The following CYP11B2 variants were observed in gnomAD, a reference collection of about 807,000 sequenced individuals.
CYP11B2 encodes the protein cytochrome P450 11B2, mitochondrial.
Under a neutral mutation model 49.3 loss-of-function variants are expected in CYP11B2, and 38 were observed. The ratio of observed to expected loss-of-function variants is 0.77; its 90% confidence interval spans 0.59 to 1.01. The LOEUF (loss-of-function observed/expected upper bound fraction) is 1.01. Ranked by LOEUF, CYP11B2 falls within the 50% of genes least tolerant of loss-of-function variation. The pLI, the probability that CYP11B2 is intolerant of heterozygous loss-of-function variation, is 0.00. For missense variants in CYP11B2, 669 were observed against 655.5 expected (o/e 1.02, Z -0.23); for synonymous variants, 290 against 269.3 (o/e 1.08, Z -0.75).
intron 2 of CYP11B2, among the ~76,000 whole-genome samples, chr8:142,916,061 A>G (rs1482221720): frequency 6.7e-6 from 1 of 149,272 alleles, no homozygotes. Context: ...ACACTTGTGC[A>G]CACACACCAC....
At chr8:142,915,965 A>G (rs1817637507) in intron 2 of CYP11B2, among the ~76,000 whole-genome samples, 1 of 152,144 alleles carries the variant, frequency 6.6e-6, no homozygotes, top group African/African-American at 2.4e-5. Flanking sequence ...CCCATGCAAG[A>G]CCTCAACACC....
At position 142,913,439 on chromosome 8, in the gene CYP11B2, A is replaced by C; in HGVS notation, c.967T>G (p.Leu323Val). The C allele has an allele frequency of 6.2e-7, 1 of 1,614,028 alleles. No individual in the cohort carries two copies. Among genetic ancestry groups the C allele is most frequent in the Non-Finnish European group, 8.5e-7 (1 of 1,180,006 alleles). ...GCCAGCTCAAAGAGCGTCATCAGCA[A>C]GGGAAACGCTGTCTACAGAAGCCAT... ...AGSVDTTAFP[L>V]LMTLFELARN... Residue 323 changes from leucine to valine, a missense_variant, in exon 6 of 9, where the codon TTG becomes GTG. Transcript: ENST00000323110.
In CYP11B2 at chr8:142,917,827, G is replaced by C; in HGVS notation, c.14C>G (p.Ala5Gly). 6.2e-7 allele frequency: 1 copy of C among 1,613,990 alleles called. No individual in the cohort carries two copies. Among genetic ancestry groups the C allele is most frequent in the Non-Finnish European group, 8.5e-7 (1 of 1,180,046 alleles). Reference protein sequence around the residue: MALRAKAEVCVAAPW... With the variant: MALRGKAEVCVAAPW... ...CGCTGCCACGCACACCTCTGCCTTTGCCCTGAGTGCCATTCCAATGCTCCC... is the reference window on the plus strand; with the variant it reads ...CGCTGCCACGCACACCTCTGCCTTTCCCCTGAGTGCCATTCCAATGCTCCC... Residue 5 changes from alanine (A) to glycine (G), a missense_variant, in exon 1 of 9, where the codon GCA (alanine) becomes GGA (glycine). Transcript: ENST00000323110.
chr8:142,913,376 T>C lies in CYP11B2; in HGVS notation c.1030A>G (p.Ser344Gly), dbSNP rs770281644. 3.8e-5 allele frequency: 61 copies of C among 1,613,516 alleles called. No homozygotes were observed. The highest frequency in any genetic ancestry group is 4.7e-5 in the Non-Finnish European group (55 of 1,179,932). The stretch of plus-strand genomic sequence containing the variant: ...CTGATGCTGGCTGCGGCGGCCAGGC[T>C]CTCCTGGCGCAGGATCTGCTGCACG... The part of the protein sequence containing the change: ...PDVQQILRQE[S>G]LAAAASISEH... Residue 344 changes from serine to glycine, a missense_variant, in exon 6 of 9, where the codon AGC becomes GGC. Ser to Gly is a moderately conservative substitution (Grantham distance 56). Coordinates refer to ENST00000323110, the MANE Select transcript of CYP11B2 (RefSeq NM_000498.3).
rs6413 is a variant in CYP11B2, at chr8:142,915,033, G to T, written c.595+13C>A. 17 of 1,612,878 alleles carry T rather than the reference G, an allele frequency of 1.1e-5. No individual in the cohort carries two copies. The highest frequency in any genetic ancestry group is 1.7e-4 in the Middle Eastern group (1 of 6,052). On this transcript the variant is annotated intron_variant, in intron 3 of 8. Coordinates refer to ENST00000323110, the MANE Select transcript of CYP11B2 (RefSeq NM_000498.3). ...AGGGTCTCTGGGGCTGGACCTTCCCGCATGGCCCACACCTTCTATGGTGTA... is the reference window on the plus strand; with the variant it reads ...AGGGTCTCTGGGGCTGGACCTTCCCTCATGGCCCACACCTTCTATGGTGTA...
intron 2 of CYP11B2, 129 bp from the exon 3 acceptor site, chr8:142,915,374 G>A: frequency 2.0e-5 from 18 of 896,866 alleles, no homozygotes; most frequent in Non-Finnish European, 1.6e-5. Context: ...GGTAGAAGCT[G>A]CCTGTTTGTG....
intron 5 of CYP11B2, chr8:142,914,049 A>T: frequency 1.5e-6 from 1 of 677,932 alleles, no homozygotes; most frequent in Non-Finnish European, 2.7e-6. Context: ...CACACAGGTA[A>T]CTGCAAACTC....
chr8:142,912,532 G>T lies in CYP11B2; in HGVS notation c.1396C>A (p.His466Asn). 6.2e-7 allele frequency: 1 copy of T among 1,612,898 alleles called. No individual in the cohort carries two copies. Residue 466 changes from histidine to asparagine, a missense_variant and splice_region_variant, in exon 8 of 9, where the codon CAC (histidine) becomes AAC (asparagine). Transcript: ENST00000323110. ...AEAEMLLLLHHVLKHFLVETL... is the reference protein window; with the variant it reads ...AEAEMLLLLHNVLKHFLVETL... Reference sequence around the variant, plus strand: ...CCCCCGCCCCCAGGCCTGCTTACGTGGTGCAGCAGCAGCAGCATCTCTGCC... The same window carrying T: ...CCCCCGCCCCCAGGCCTGCTTACGTTGTGCAGCAGCAGCAGCATCTCTGCC...
chr8:142,914,038 C>T, intron 5 of CYP11B2: 1 of 663,184 alleles, frequency 1.5e-6, no homozygotes, highest in African/African-American at 1.8e-5. Context: ...GCATGGATCC[C>T]CACACAGGTA....
chr8:142,915,296 C>T, intron 2 of CYP11B2, 51 bp from the exon 3 acceptor site: 5 of 1,485,892 alleles, frequency 3.4e-6, no homozygotes, highest in Non-Finnish European at 4.6e-6. Context: ...AGACACAGGC[C>T]CTGACCCGTA....
intron 3 of CYP11B2, 40 bp downstream of exon 3, chr8:142,915,006 C>A (rs2130330497): frequency 6.2e-7 from 1 of 1,612,822 alleles, no homozygotes; most frequent in East Asian, 2.2e-5. Flanking sequence ...CCTGGCCACT[C>A]CAGGGTCTCT....
In CYP11B2 at chr8:142,917,087, G is replaced by C; in HGVS notation, c.367C>G (p.Arg123Gly). 6.2e-7 allele frequency: 1 copy of C among 1,614,188 alleles called. No individual in the cohort carries two copies. The highest frequency in any genetic ancestry group is 8.5e-7 in the Non-Finnish European group (1 of 1,180,020). The change falls in exon 2 of 9, where the codon CGT becomes GGT. Residue 123 changes from arginine (R) to glycine (G), a missense_variant. Coordinates refer to ENST00000323110, the MANE Select transcript of CYP11B2 (RefSeq NM_000498.3). Reference sequence around the variant, plus strand: ...AAGAACACGCCACATTTGTGCCCACGATGTTGTCTGTAGGCCACCCAGGGC... The same window carrying C: ...AAGAACACGCCACATTTGTGCCCACCATGTTGTCTGTAGGCCACCCAGGGC... The part of the protein sequence containing the change: ...LEPWVAYRQH[R>G]GHKCGVFLLN...
intron 7 of CYP11B2, 37 bp downstream of exon 7, chr8:142,912,770 G>A (rs769725067): frequency 5.6e-6 from 9 of 1,613,288 alleles, no homozygotes; most frequent in Admixed American, 1.7e-5. Context: ...GACTGGGGAG[G>A]GAGGTTCTCA....
rs781276388 is a variant in CYP11B2 at position 142,912,630 on chromosome 8, C to A, written c.1298G>T (p.Gly433Val). Reference protein sequence around the residue: ...YNPQRWLDIRGSGRNFHHVPF... With the variant: ...YNPQRWLDIRVSGRNFHHVPF... ...CACGTGGTGGAAGTTCCTGCCGGAG[C>A]CCCTGATGTCTAGCCAGCGCTGGGG... The change falls in exon 8 of 9, where the codon GGC becomes GTC. Residue 433 changes from glycine to valine, a missense_variant. Transcript: ENST00000323110. 1 of 1,614,110 alleles carries A rather than the reference C, an allele frequency of 6.2e-7. No individual in the cohort carries two copies. Among genetic ancestry groups the A allele is most frequent in the African/African-American group, 1.3e-5 (1 of 74,938 alleles).
chr8:142,917,764 G>C lies in CYP11B2; in HGVS notation c.77C>G (p.Thr26Ser), dbSNP rs1817675774. Residue 26 changes from threonine (T) to serine (S), a missense_variant, in exon 1 of 9, where the codon ACT becomes AGT. Thr to Ser is a moderately conservative substitution (Grantham distance 58, BLOSUM62 1). Transcript: ENST00000323110. ...CGTCCTAGGGGCCCGAGCGGCTCTA[G>C]TGCCCAGTGCCCGTGCCCTTTGCAG... is the stretch of plus-strand genomic sequence containing the variant. ...LSLQRARALG[T>S]RAARAPRTVL... 1 of 1,614,218 alleles carries C rather than the reference G, an allele frequency of 6.2e-7. No homozygotes were observed.
In CYP11B2 at chr8:142,915,167, G is replaced by A; in HGVS notation, c.474C>T (p.Leu158=). Residue 158 remains leucine (L), a synonymous_variant, in exon 3 of 9, where the codon CTC becomes CTT. Transcript: ENST00000323110. The part of the protein sequence containing the change: ...VLSPKAVQRF[L]PMVDAVARDF... Reference sequence around the variant, plus strand: ...CCCTGGCCACTGCATCCACCATCGGGAGGAACCTCTGCACGGCCTTGGGCG... The same window carrying A: ...CCCTGGCCACTGCATCCACCATCGGAAGGAACCTCTGCACGGCCTTGGGCG... The A allele has an allele frequency of 2.5e-6, 4 of 1,614,190 alleles. No individual in the cohort carries two copies. The highest frequency in any genetic ancestry group is 2.2e-5 in the South Asian group (2 of 91,076).
At position 142,914,274 on chromosome 8, in the gene CYP11B2, C is replaced by G; in HGVS notation, c.944G>C (p.Ser315Thr). 6.2e-7 allele frequency: 1 copy of G among 1,614,162 alleles called. No homozygotes were observed. Among genetic ancestry groups the G allele is most frequent in the Non-Finnish European group, 8.5e-7 (1 of 1,180,030 alleles). Residue 315 changes from serine (S) to threonine (T), a missense_variant, in exon 5 of 9, where the codon AGC (serine) becomes ACC (threonine). Ser to Thr is a moderately conservative substitution (Grantham distance 58). Transcript: ENST00000323110. ...KANSMELTAG[S>T]VDTTAFPLLM... ...GGTTGCTGGCCTGACCGTGTCCACG[C>G]TCCCTGCAGTGAGTTCCATAGAGTT... is the stretch of plus-strand genomic sequence containing the variant.
At position 142,913,348 on chromosome 8, in the gene CYP11B2, T is replaced by C; in HGVS notation, c.1058A>G (p.Glu353Gly). The change falls in exon 6 of 9, where the codon GAA (glutamate) becomes GGA (glycine). Residue 353 changes from glutamate to glycine, a missense_variant. Glu to Gly is a moderately conservative substitution (Grantham distance 98). Coordinates refer to ENST00000323110, the MANE Select transcript of CYP11B2 (RefSeq NM_000498.3). ...CTCGGTGGTTGCCTTCTGGGGATGT[T>C]CACTGATGCTGGCTGCGGCGGCCAG... ...ESLAAAASISEHPQKATTELP... is the reference protein window; with the variant it reads ...ESLAAAASISGHPQKATTELP... 1.2e-6 allele frequency: 2 copies of C among 1,613,720 alleles called. No individual in the cohort carries two copies. The highest frequency in any genetic ancestry group is 1.7e-6 in the Non-Finnish European group (2 of 1,179,918).
At chr8:142,914,232 C>A (rs1817594861) in intron 5 of CYP11B2, 32 bp downstream of exon 5, 5 of 1,613,694 alleles carry the variant, frequency 3.1e-6, no homozygotes, top group African/African-American at 1.3e-5. Context: ...TTGGCATCAC[C>A]CTCTCTGGGT....
Sources: allele counts gnomAD v4.1 joint callset (sites outside exome capture counted in the v4.1 genomes callset), GRCh38; gene constraint gnomAD v4.1.1; transcripts MANE v1.5; gene names NCBI Gene and HGNC (gene_info 2026-07-23, HGNC 2026-07-21).